Variants in SMC5 observed in about 807,000 individuals in gnomAD.
The protein encoded by SMC5 is structural maintenance of chromosomes protein 5.
A neutral mutation model predicts 148.3 loss-of-function variants in SMC5; 88 were observed. The observed-to-expected ratio is 0.59, with a 90% confidence interval of 0.50 to 0.71. The LOEUF (loss-of-function observed/expected upper bound fraction) is 0.71, where lower values mean the gene tolerates loss of function less well. Ranked by LOEUF, SMC5 falls within the 30% of genes least tolerant of loss-of-function variation. The probability of loss-of-function intolerance (pLI) is 0.00; values close to 1 mark genes in which losing one functional copy is unlikely to be tolerated. For synonymous variants in SMC5, 421 were observed against 432.8 expected (o/e 0.97, Z 0.34); for missense variants, 1,142 against 1,298.9 (o/e 0.88, Z 1.86).
At chr9:70,331,505 GT>G (rs57930530) in intron 17 of SMC5, among the ~76,000 whole-genome samples, 22 of 149,550 alleles carry the variant, frequency 1.5e-4, no homozygotes, top group Admixed American at 1.3e-4. Flanking sequence ...ATGGTTATGG[GT>G]TTTTTTTTTA....
chr9:70,338,274 G>A (rs550605317), intron 17 of SMC5, among the ~76,000 whole-genome samples: 7 of 152,286 alleles, frequency 4.6e-5, no homozygotes, highest in African/African-American at 1.7e-4. Flanking sequence ...GCCTCCCAAA[G>A]TACTGGGATT....
chr9:70,333,472 T>TCC (rs1205181324), intron 17 of SMC5, among the ~76,000 whole-genome samples: 2 of 152,154 alleles, frequency 1.3e-5, no homozygotes, highest in East Asian at 3.9e-4. Context: ...AACCCTGTCA[T>TCC]TAAAAAGAAA....
At chr9:70,320,538 A>G (rs753579961) in intron 15 of SMC5, among the ~76,000 whole-genome samples, 2 of 152,296 alleles carry the variant, frequency 1.3e-5, no homozygotes, top group Non-Finnish European at 2.9e-5. Flanking sequence ...CATAGCATTT[A>G]TGTTGTATTA....
chr9:70,346,672 T>C, intron 19 of SMC5, 23 bp downstream of exon 19: 1 of 1,613,302 alleles, frequency 6.2e-7, no homozygotes. Context: ...CATTCTTTTT[T>C]CCCAAGCTCC....
chr9:70,282,388 G>A, intron 6 of SMC5, 34 bp from the exon 7 acceptor site: 1 of 1,559,274 alleles, frequency 6.4e-7, no homozygotes, highest in Non-Finnish European at 8.6e-7. Flanking sequence ...TTTAAGGTAG[G>A]GCATTAACTT....
intron 17 of SMC5, among the ~76,000 whole-genome samples, chr9:70,330,873 A>AAAAGC (rs1268292723): frequency 6.6e-6 from 1 of 152,186 alleles, no homozygotes; most frequent in African/African-American, 2.4e-5. Flanking sequence ...CCAGATTTTA[A>AAAAGC]AAAGCAAAAA....
intron 3 of SMC5, among the ~76,000 whole-genome samples, chr9:70,274,533 T>G (rs868067732): frequency 1.8e-4 from 28 of 152,126 alleles, no homozygotes; most frequent in Middle Eastern, 3.4e-3. Flanking sequence ...TTTTAATATC[T>G]TTTGTTATCT....
In SMC5 at chr9:70,298,117, C is replaced by G; in HGVS notation, c.1205C>G (p.Ala402Gly). The G allele has an allele frequency of 1.2e-6, 2 of 1,613,920 alleles. No homozygotes were observed. The highest frequency in any genetic ancestry group is 1.7e-6 in the Non-Finnish European group (2 of 1,179,908). The change falls in exon 9 of 25, where the codon GCC (alanine) becomes GGC (glycine). Residue 402 changes from alanine (A) to glycine (G), a missense_variant. Transcript: ENST00000361138. The stretch of plus-strand genomic sequence containing the variant: ...GAGAATCTTCAGCCCCAGATTGATG[C>G]CATTACAAATGATCTGAGACGGATT... ...NCENLQPQID[A>G]ITNDLRRIQD...
chr9:70,344,115 C>T, intron 17 of SMC5, 29 bp from the exon 18 acceptor site: 2 of 1,393,528 alleles, frequency 1.4e-6, no homozygotes, highest in Non-Finnish European at 9.6e-7. Context: ...CATTAACATT[C>T]AAATTTTCAA....
intron 3 of SMC5, among the ~76,000 whole-genome samples, chr9:70,270,642 ATTTTTTT>A (rs71364589): frequency 4.8e-5 from 5 of 103,818 alleles, no homozygotes; most frequent in African/African-American, 1.5e-4. Context: ...AGACTAAATA[ATTTTTTT>A]TTTTTTTTTT....
intron 10 of SMC5, among the ~76,000 whole-genome samples, chr9:70,303,249 AAT>A (rs150553312): frequency 0.01 from 1,575 of 151,970 alleles, 33 homozygotes; most frequent in African/African-American, 0.035. Flanking sequence ...AAAAAAAAAC[AAT>A]ACAGTCTGGG....
At chr9:70,300,850 A>G (rs1271898827) in intron 10 of SMC5, among the ~76,000 whole-genome samples, 1 of 152,178 alleles carries the variant, frequency 6.6e-6, no homozygotes, top group Non-Finnish European at 1.5e-5. Context: ...TGGTAATGAT[A>G]TGTTAGAGCA....
At chr9:70,267,329 A>G (rs1180107) in intron 2 of SMC5, among the ~76,000 whole-genome samples, 32,729 of 152,002 alleles carry the variant, frequency 0.22, 3,668 homozygotes, top group South Asian at 0.28. Flanking sequence ...TTGTTTTCGG[A>G]CTTAGACTCA....
chr9:70,305,311 G>A lies in SMC5; in HGVS notation c.1529G>A (p.Arg510Lys), dbSNP rs776904659. 3 of 1,605,110 alleles carry A rather than the reference G, an allele frequency of 1.9e-6. No homozygotes were observed. Among genetic ancestry groups the A allele is most frequent in the African/African-American group, 2.7e-5 (2 of 74,546 alleles). Residue 510 changes from arginine to lysine, a missense_variant, in exon 11 of 25, where the codon AGA becomes AAA. By Grantham distance (26) the Arg-to-Lys change is conservative. This residue lies in a region of SMC5 where 743 missense variants were observed against 835.7 expected (regional missense o/e 0.89). Transcript: ENST00000361138. ...AATCATATTCCATCAAATGACTTAA[G>A]AGCCTTTGTATTTGAAAGTCAAGAA... Reference protein sequence around the residue: ...IENHIPSNDLRAFVFESQEDM... With the variant: ...IENHIPSNDLKAFVFESQEDM...
intron 11 of SMC5, among the ~76,000 whole-genome samples, chr9:70,308,157 CT>C (rs560349069): frequency 1.4e-4 from 21 of 152,150 alleles, no homozygotes; most frequent in Non-Finnish European, 2.5e-4. Context: ...CACACTACTA[CT>C]TACAATTGCA....
intron 10 of SMC5, among the ~76,000 whole-genome samples, 179 bp downstream of exon 10, chr9:70,300,379 A>G (rs2035327459): frequency 6.6e-6 from 1 of 152,108 alleles, no homozygotes; most frequent in African/African-American, 2.4e-5. Context: ...TGAGGGTAAT[A>G]ACTGTCATAA....
intron 2 of SMC5, 91 bp from the exon 3 acceptor site, chr9:70,267,832 T>C: frequency 8.3e-7 from 1 of 1,210,246 alleles, no homozygotes; most frequent in Non-Finnish European, 1.2e-6. Context: ...GAAAAAAATC[T>C]TGATTTGACA....
intron 17 of SMC5, among the ~76,000 whole-genome samples, chr9:70,324,424 C>T (rs977609130): frequency 2.0e-5 from 3 of 152,004 alleles, no homozygotes; most frequent in Non-Finnish European, 4.4e-5. Flanking sequence ...AACTTAAAAC[C>T]GGAAGGAGAG....
intron 1 of SMC5, among the ~76,000 whole-genome samples, chr9:70,259,688 C>T (rs73446762): frequency 0.012 from 1,806 of 152,104 alleles, 25 homozygotes; most frequent in African/African-American, 0.04. Context: ...AGGCATTTGC[C>T]AGAGAGGAGT....
Sources: allele counts gnomAD v4.1 joint callset (sites outside exome capture counted in the v4.1 genomes callset), GRCh38; gene constraint gnomAD v4.1.1; regional missense constraint gnomAD v4.1.1; transcripts MANE v1.5; gene names NCBI Gene and HGNC (gene_info 2026-07-23, HGNC 2026-07-21).